Variants in CIROZ observed in about 807,000 individuals in gnomAD.
The protein encoded by CIROZ is ciliated left-right organizer ZP-N domains-containing protein.
At chr1:10,980,264 C>T in the CIROZ span, among the ~76,000 whole-genome samples, 10 of 152,368 alleles carry the variant, frequency 6.6e-5, no homozygotes, top group East Asian at 1.9e-3. Flanking sequence ...GTTCCCCAGC[C>T]TGGAATCTAA....
the CIROZ span, chr1:10,948,981 A>C: frequency 3.9e-6 from 3 of 776,514 alleles, no homozygotes; most frequent in Non-Finnish European, 5.5e-6. Context: ...TCCCAACACA[A>C]TAGGAGGCCA....
chr1:10,948,268 C>T, the CIROZ span: 1 of 1,613,844 alleles, frequency 6.2e-7, no homozygotes, highest in Admixed American at 1.7e-5. Flanking sequence ...CGTGGCCTCT[C>T]CACCTCCGTT....
At chr1:10,969,835 G>T in the CIROZ span, 1 of 1,311,850 alleles carries the variant, frequency 7.6e-7, no homozygotes, top group Non-Finnish European at 1.0e-6. Flanking sequence ...GGCTGTGGGG[G>T]GAGGTGGCCT....
chr1:10,955,745 G>A, the CIROZ span, among the ~76,000 whole-genome samples: 7 of 151,420 alleles, frequency 4.6e-5, no homozygotes. Context: ...TTGGGAGGCT[G>A]AGGCAGGAGA....
At chr1:10,948,135 A>G in the CIROZ span, 1 of 1,613,354 alleles carries the variant, frequency 6.2e-7, no homozygotes, top group South Asian at 1.1e-5. Context: ...TGGGGTGGAG[A>G]ATGTGGCATC....
chr1:10,980,350 A>T, the CIROZ span, among the ~76,000 whole-genome samples: 88 of 152,354 alleles, frequency 5.8e-4, no homozygotes, highest in African/African-American at 1.9e-3. Context: ...CATTCGCTGA[A>T]TTCAGAAGCG....
At chr1:10,946,956 G>A in the CIROZ span, among the ~76,000 whole-genome samples, 2 of 152,342 alleles carry the variant, frequency 1.3e-5, 1 homozygote. Flanking sequence ...AGGCCTGCAA[G>A]CATCCCCTCT....
At chr1:10,969,259 G>A in the CIROZ span, among the ~76,000 whole-genome samples, 30 of 152,134 alleles carry the variant, frequency 2.0e-4, no homozygotes, top group African/African-American at 2.4e-5. Context: ...GAGATGCAGA[G>A]CATGGAGGGA....
chr1:10,947,017 G>A, the CIROZ span, among the ~76,000 whole-genome samples: 2 of 152,202 alleles, frequency 1.3e-5, no homozygotes, highest in South Asian at 4.1e-4. Flanking sequence ...AATGGCTCTC[G>A]AGTTCTGAGT....
chr1:10,949,947 C>A, the CIROZ span: 3 of 774,272 alleles, frequency 3.9e-6, no homozygotes, highest in South Asian at 5.9e-5. Flanking sequence ...AGATGCAAGT[C>A]CTGGGTTGGG....
At chr1:10,962,729 A>G in the CIROZ span, among the ~76,000 whole-genome samples, 2 of 152,208 alleles carry the variant, frequency 1.3e-5, no homozygotes, top group Non-Finnish European at 2.9e-5. Flanking sequence ...AATGGGGATC[A>G]ATATAGAACC....
chr1:10,965,677 A>T, the CIROZ span, among the ~76,000 whole-genome samples: 21 of 152,018 alleles, frequency 1.4e-4, no homozygotes, highest in Non-Finnish European at 1.6e-4. Context: ...CTGGCCAACA[A>T]GGTGAAACCC....
At chr1:10,954,986 T>G in the CIROZ span, 21 of 1,595,330 alleles carry the variant, frequency 1.3e-5, no homozygotes, top group African/African-American at 2.5e-4. Flanking sequence ...CACCGGATAC[T>G]CACCTGGACC....
chr1:10,974,928 CTCT>C, the CIROZ span, among the ~76,000 whole-genome samples: 1 of 152,160 alleles, frequency 6.6e-6, no homozygotes, highest in East Asian at 1.9e-4. The surrounding 1 kb of genome is among the most constrained non-coding windows in gnomAD (Gnocchi z 4.4). Flanking sequence ...GTGTTGGAGA[CTCT>C]TGAACCTTGT....
chr1:10,951,874 T>C, the CIROZ span, among the ~76,000 whole-genome samples: 1 of 151,796 alleles, frequency 6.6e-6, no homozygotes. Context: ...TAGGTTCTAA[T>C]TACTTTTGGG....
the CIROZ span, among the ~76,000 whole-genome samples, chr1:10,977,508 G>A: frequency 6.6e-5 from 10 of 152,000 alleles, no homozygotes; most frequent in South Asian, 1.7e-3. Context: ...TAAATAAAAT[G>A]ATGAATCTGT....
the CIROZ span, chr1:10,954,188 G>T: frequency 5.1e-6 from 8 of 1,578,918 alleles, no homozygotes; most frequent in East Asian, 1.6e-4. Flanking sequence ...GGGCGCAGTG[G>T]CTCACGCCTG....
chr1:10,955,325 C>T, the CIROZ span: 1 of 707,154 alleles, frequency 1.4e-6, no homozygotes, highest in East Asian at 2.6e-5. Flanking sequence ...CAGCAAGTTA[C>T]TTGGTGTCCT....
the CIROZ span, chr1:10,956,898 T>TC: frequency 1.2e-6 from 1 of 807,042 alleles, no homozygotes; most frequent in Non-Finnish European, 1.9e-6. Flanking sequence ...ATAGCCAAGG[T>TC]TGGGACTGAG....
Sources: allele counts gnomAD v4.1 joint callset (sites outside exome capture counted in the v4.1 genomes callset), GRCh38; gene constraint gnomAD v4.1.1; non-coding constraint Gnocchi (gnomAD v3.1); transcripts MANE v1.5; gene names NCBI Gene and HGNC (gene_info 2026-07-23, HGNC 2026-07-21).